SLC68A1: variants seen among roughly 807,000 people sequenced by gnomAD.
SLC68A1 encodes solute carrier family 68 member 1, also known as major facilitator superfamily domain containing 13A.
At chr10:102,470,669 G>A in the SLC68A1 span, 1 of 1,606,630 alleles carries the variant, frequency 6.2e-7, no homozygotes, top group African/African-American at 1.3e-5. Context: ...CGGCAGGTCA[G>A]GCGCCGGGCT....
the SLC68A1 span, chr10:102,471,418 C>T: frequency 3.6e-5 from 58 of 1,602,316 alleles, no homozygotes; most frequent in Non-Finnish European, 3.5e-5. Context: ...AGCTCCCGGC[C>T]CCTCTACAGC....
the SLC68A1 span, chr10:102,476,068 TTTCATAG>T: frequency 7.8e-7 from 1 of 1,278,474 alleles, no homozygotes; most frequent in Non-Finnish European, 1.0e-6. Flanking sequence ...TTTTTAAGGA[TTTCATAG>T]TTTTTTTTTT....
the SLC68A1 span, among the ~76,000 whole-genome samples, chr10:102,475,281 G>C: frequency 6.9e-6 from 1 of 144,510 alleles, no homozygotes; most frequent in South Asian, 2.2e-4. Flanking sequence ...AGGTGACAGA[G>C]CGAGACTCCC....
At chr10:102,474,893 C>A in the SLC68A1 span, among the ~76,000 whole-genome samples, 1 of 151,920 alleles carries the variant, frequency 6.6e-6, no homozygotes, top group African/African-American at 2.4e-5. Context: ...GGTGATCCAC[C>A]CACCTTGGCC....
the SLC68A1 span, among the ~76,000 whole-genome samples, chr10:102,465,503 C>A: frequency 4.6e-5 from 7 of 152,132 alleles, no homozygotes; most frequent in Middle Eastern, 3.4e-3. Flanking sequence ...TTTTGCATTT[C>A]AGCCCACAGC....
At chr10:102,473,968 C>T in the SLC68A1 span, 1 of 1,611,520 alleles carries the variant, frequency 6.2e-7, no homozygotes, top group Non-Finnish European at 8.5e-7. Context: ...CCAGGCCAGA[C>T]CTTTGCCCCG....
the SLC68A1 span, chr10:102,475,754 C>G: frequency 4.3e-6 from 7 of 1,612,830 alleles, no homozygotes; most frequent in African/African-American, 6.7e-5. Flanking sequence ...CCTCATAACC[C>G]CTGTGGGGAG....
At chr10:102,469,357 C>T in the SLC68A1 span, among the ~76,000 whole-genome samples, 1 of 152,100 alleles carries the variant, frequency 6.6e-6, no homozygotes, top group Admixed American at 6.6e-5. Context: ...GCTGTGGAGG[C>T]CTTGATGACT....
the SLC68A1 span, chr10:102,470,148 CTG>C: frequency 7.0e-7 from 1 of 1,419,046 alleles, no homozygotes; most frequent in South Asian, 1.2e-5. Context: ...GGACCCCTGC[CTG>C]TGTTTGGGGT....
the SLC68A1 span, among the ~76,000 whole-genome samples, chr10:102,473,417 G>GGGGCTGTGAAGATGAACTA: frequency 1.4e-4 from 22 of 152,286 alleles, no homozygotes; most frequent in South Asian, 4.3e-3. Flanking sequence ...CTCACCTTAA[G>GGGGCTGTGAAGATGAACTA]GGGCTGTGAA....
the SLC68A1 span, chr10:102,472,764 T>G: frequency 8.6e-6 from 8 of 926,938 alleles, no homozygotes; most frequent in Admixed American, 1.7e-5. Context: ...GGATGGGGAG[T>G]TGGGGGGGAT....
the SLC68A1 span, among the ~76,000 whole-genome samples, chr10:102,470,410 T>C: frequency 2.6e-5 from 4 of 152,090 alleles, no homozygotes; most frequent in Non-Finnish European, 4.4e-5. Context: ...CCTTGAGAAG[T>C]GGGCATCCCA....
chr10:102,473,834 T>C, the SLC68A1 span: 1 of 1,611,728 alleles, frequency 6.2e-7, no homozygotes, highest in Non-Finnish European at 8.5e-7. Flanking sequence ...GCGTCTTCAC[T>C]GAGGGCACCT....
the SLC68A1 span, chr10:102,473,889 C>T: frequency 3.7e-6 from 6 of 1,614,060 alleles, no homozygotes; most frequent in Admixed American, 1.0e-4. Flanking sequence ...AGACGAGGAC[C>T]TGGTGCTGAA....
the SLC68A1 span, chr10:102,472,738 G>T: frequency 1.3e-6 from 1 of 798,804 alleles, no homozygotes; most frequent in Non-Finnish European, 2.2e-6. Flanking sequence ...GCCTGCTCTC[G>T]CTCTTGCTGC....
At chr10:102,473,833 CTGAGG>C in the SLC68A1 span, 12 of 1,611,694 alleles carry the variant, frequency 7.4e-6, no homozygotes, top group Non-Finnish European at 1.0e-5. Flanking sequence ...CGCGTCTTCA[CTGAGG>C]GCACCTGTAA....
chr10:102,469,966 A>G, the SLC68A1 span: 25 of 1,610,820 alleles, frequency 1.6e-5, no homozygotes, highest in Non-Finnish European at 2.1e-5. Flanking sequence ...TCTAGAGCCC[A>G]CCTTCCTGTC....
chr10:102,469,192 G>A, the SLC68A1 span: 17 of 1,613,922 alleles, frequency 1.1e-5, no homozygotes, highest in African/African-American at 4.0e-5. Context: ...CTTCTGGGTC[G>A]GAGAGGTAGG....
At chr10:102,464,074 G>A in the SLC68A1 span, among the ~76,000 whole-genome samples, 77,061 of 152,034 alleles carry the variant, frequency 0.51, 19,847 homozygotes, top group Middle Eastern at 0.63. Flanking sequence ...TCTAACTTCT[G>A]GCCCCAAGTA....
Sources: allele counts gnomAD v4.1 joint callset (sites outside exome capture counted in the v4.1 genomes callset), GRCh38; gene constraint gnomAD v4.1.1; transcripts MANE v1.5; gene names NCBI Gene and HGNC (gene_info 2026-07-23, HGNC 2026-07-21).